The following DNAH7 variants were observed in gnomAD, a reference collection of about 807,000 sequenced individuals.
DNAH7 encodes axonemal beta dynein heavy chain 7.
In DNAH7, 397 loss-of-function variants were observed where a neutral mutation model predicts 444.6. The observed-to-expected ratio is 0.89, with a 90% CI of 0.82 to 0.97. The LOEUF (loss-of-function observed/expected upper bound fraction) is 0.97, where lower values mean the gene tolerates loss of function less well. DNAH7 is among the 50% of genes least tolerant of loss of function. The pLI is 0.00. For synonymous variants in DNAH7, 1,636 were observed against 1,624.4 expected, an observed-to-expected ratio of 1.01 and a Z score of -0.17; for missense variants, 4,902 against 4,800.8, an observed-to-expected ratio of 1.02 and a Z score of -0.62.
At chr2:195,927,111 G>A (rs982516997) in intron 21 of DNAH7, among the ~76,000 whole-genome samples, 9 of 152,070 alleles carry the variant, frequency 5.9e-5, no homozygotes, top group Admixed American at 2.6e-4. Flanking sequence ...AGAGACAGAT[G>A]TACGATTCAT....
chr2:195,943,960 T>C (rs1191674548), intron 19 of DNAH7, among the ~76,000 whole-genome samples: 2 of 152,142 alleles, frequency 1.3e-5, no homozygotes, highest in Non-Finnish European at 2.9e-5. Flanking sequence ...TGCTCGCTTT[T>C]AGGTATATTC....
intron 49 of DNAH7, among the ~76,000 whole-genome samples, chr2:195,821,516 G>A (rs147597150): frequency 6.8e-4 from 104 of 152,324 alleles, no homozygotes; most frequent in African/African-American, 2.5e-3. Flanking sequence ...TGTGTCCTGG[G>A]TGGCAGGGAG....
At chr2:195,778,639 AATAAATATAT>A (rs1475755764) in intron 58 of DNAH7, among the ~76,000 whole-genome samples, 2 of 51,692 alleles carry the variant, frequency 3.9e-5, no homozygotes, top group East Asian at 7.2e-4. Flanking sequence ...AAAATAAATA[AATAAATATAT>A]ATATATATAT....
At chr2:196,005,307 A>AT (rs1553603510) in intron 10 of DNAH7, among the ~76,000 whole-genome samples, 9 of 148,052 alleles carry the variant, frequency 6.1e-5, no homozygotes, top group African/African-American at 2.3e-4. Flanking sequence ...AACAAACAAA[A>AT]ATATATATAT....
At chr2:195,919,619 A>AGTG (rs1687900377) in intron 24 of DNAH7, among the ~76,000 whole-genome samples, 1 of 152,226 alleles carries the variant, frequency 6.6e-6, no homozygotes, top group South Asian at 2.1e-4. Context: ...TGCTGGGATC[A>AGTG]CAGGCATGAG....
intron 27 of DNAH7, chr2:195,902,350 A>T (rs1471678640): frequency 6.6e-6 from 1 of 151,912 alleles, no homozygotes; most frequent in Non-Finnish European, 1.5e-5. Context: ...ACTTGAAATA[A>T]AAAAGCTTAA....
chr2:195,768,868 T>C (rs1694709310), intron 61 of DNAH7, among the ~76,000 whole-genome samples: 2 of 152,230 alleles, frequency 1.3e-5, no homozygotes, highest in South Asian at 4.1e-4. Context: ...ATTTACCTTT[T>C]GTGTAACTGT....
chr2:195,741,642 G>A (rs1217117616), intron 63 of DNAH7, among the ~76,000 whole-genome samples: 4 of 152,176 alleles, frequency 2.6e-5, no homozygotes, highest in Non-Finnish European at 5.9e-5. Flanking sequence ...AACCTGTTTT[G>A]TCATCTGGAG....
rs16841903 is a variant in DNAH7, at chr2:195,908,125, A to C, written c.4105-1116T>G. ...AAGACGGTCATTACATAGATTCAAA[A>C]ACTGAGCAATATATACCAGACATTT... On this transcript the variant is annotated intron_variant, in intron 25 of 64. Coordinates refer to ENST00000312428, the MANE Select transcript of DNAH7 (RefSeq NM_018897.3). 9.1e-3 allele frequency among the ~76,000 whole-genome samples: 1,390 copies of C among 152,248 alleles called. 41 individuals are homozygous for C. The highest frequency in any genetic ancestry group is 0.086 in the East Asian group (444 of 5,174).
chr2:195,756,650 A>T (rs1694086000), intron 61 of DNAH7, among the ~76,000 whole-genome samples: 1 of 151,960 alleles, frequency 6.6e-6, no homozygotes, highest in South Asian at 2.1e-4. Flanking sequence ...AGAAACTGGG[A>T]CTACAGACAT....
chr2:195,868,089 CTTTTTTTTTTTTT>C (rs58317384), intron 40 of DNAH7, among the ~76,000 whole-genome samples: 1 of 101,058 alleles, frequency 9.9e-6, no homozygotes, highest in African/African-American at 4.0e-5. Flanking sequence ...TATTATTCAT[CTTTTTTTTTTTTT>C]TTTTTTTTTT....
intron 58 of DNAH7, among the ~76,000 whole-genome samples, chr2:195,783,778 G>A (rs540103092): frequency 6.6e-6 from 1 of 152,124 alleles, no homozygotes; most frequent in East Asian, 1.9e-4. Context: ...CCATTCTGTT[G>A]TAAGAGTGAT....
chr2:195,792,959 T>A (rs1695956939), intron 57 of DNAH7, among the ~76,000 whole-genome samples: 1 of 152,060 alleles, frequency 6.6e-6, no homozygotes, highest in African/African-American at 2.4e-5. Context: ...TAGGGTCTTC[T>A]TGCTCTGTCA....
intron 17 of DNAH7, among the ~76,000 whole-genome samples, chr2:195,969,246 TAC>T (rs1035940786): frequency 1.2e-4 from 18 of 152,328 alleles, no homozygotes; most frequent in African/African-American, 4.1e-4. Flanking sequence ...TTAAAATAAC[TAC>T]AGAGTTTTTA....
At chr2:195,797,252 T>C (rs1696191051) in intron 55 of DNAH7, among the ~76,000 whole-genome samples, 1 of 152,248 alleles carries the variant, frequency 6.6e-6, no homozygotes, top group South Asian at 2.1e-4. Flanking sequence ...TTTTCCTATA[T>C]TCAGTTTTAC....
At position 195,970,067 on chromosome 2, in the gene DNAH7, A is replaced by G. The variant is rs747859246; in HGVS notation, c.2086T>C (p.Leu696=). ...TCTGATTGCTTAGCATAACTCTCCA[A>G]TTCCTCCACAAACCGTTCACACCGT... ...KLRCERFVEE[L]ESYAKQSEEF... Residue 696 remains leucine, a synonymous_variant, in exon 17 of 65, where the codon TTG becomes CTG. Transcript: ENST00000312428. The G allele has an allele frequency of 1.7e-5, 27 of 1,611,706 alleles. No homozygotes were observed. The East Asian group carries it at 3.4e-4, about 20-fold the overall frequency.
chr2:195,744,306 G>A (rs1199062870), intron 63 of DNAH7, among the ~76,000 whole-genome samples: 1 of 152,210 alleles, frequency 6.6e-6, no homozygotes, highest in Non-Finnish European at 1.5e-5. Flanking sequence ...CAGTGAGGCT[G>A]GGGGAGGGGC....
At chr2:195,852,441 T>C (rs1423574382) in intron 46 of DNAH7, among the ~76,000 whole-genome samples, 5 of 152,178 alleles carry the variant, frequency 3.3e-5, no homozygotes, top group African/African-American at 4.8e-5. Flanking sequence ...CACCAAAAAC[T>C]ATTGCCAAAT....
chr2:195,792,394 TACACACACACACACACACACACACACAC>T (rs59046004), intron 57 of DNAH7, among the ~76,000 whole-genome samples: 3 of 117,218 alleles, frequency 2.6e-5, no homozygotes, highest in South Asian at 3.1e-4. Flanking sequence ...AACCAAAAAA[TACACACACACACACACACACACACACAC>T]ACACACACAC....
Sources: gnomAD v4.1 joint callset for allele counts (sites outside exome capture counted in the v4.1 genomes callset) on GRCh38, gnomAD v4.1.1 for gene constraint, MANE v1.5 for transcripts, NCBI Gene and HGNC (gene_info 2026-07-23, HGNC 2026-07-21) for gene names.